The following PI4KA variants were observed in gnomAD, a reference collection of about 807,000 sequenced individuals.
The protein encoded by PI4KA is PI4-kinase alpha.
In PI4KA, 122 loss-of-function variants were observed where a neutral mutation model predicts 271.4. That is an observed-to-expected ratio of 0.45 (90% CI 0.39 to 0.52). The LOEUF (loss-of-function observed/expected upper bound fraction) is 0.52, where lower values mean the gene tolerates loss of function less well. Ranked by LOEUF, PI4KA falls within the 20% of genes least tolerant of loss-of-function variation. The pLI is 0.00. For synonymous variants in PI4KA, 1,041 were observed against 1,078.8 expected (o/e 0.96, Z 0.69); for missense variants, 1,969 against 2,769.1 (o/e 0.71, Z 6.48).
At chr22:20,718,017 T>G (rs548757153) in intron 44 of PI4KA, among the ~76,000 whole-genome samples, 1 of 151,632 alleles carries the variant, frequency 6.6e-6, no homozygotes, top group South Asian at 2.1e-4. Context: ...TGTGCGGGGG[T>G]GTGTGGCTGG....
intron 19 of PI4KA, chr22:20,779,061 G>A: frequency 1.3e-5 from 12 of 924,268 alleles, no homozygotes; most frequent in South Asian, 1.8e-5. Context: ...CTTTAAAGAA[G>A]GGATTTTCAT....
At chr22:20,812,792 G>C (rs1024648831) in intron 8 of PI4KA, among the ~76,000 whole-genome samples, 1 of 152,140 alleles carries the variant, frequency 6.6e-6, no homozygotes, top group African/African-American at 2.4e-5. Context: ...CTGACCTCAA[G>C]TGATCCGCCC....
At chr22:20,773,256 G>A (rs913651548) in intron 19 of PI4KA, among the ~76,000 whole-genome samples, 1 of 151,366 alleles carries the variant, frequency 6.6e-6, no homozygotes, top group South Asian at 2.1e-4. Flanking sequence ...ACATGGTGGT[G>A]TGCGCCTGTA....
At chr22:20,777,749 AATC>A (rs747486488) in intron 19 of PI4KA, among the ~76,000 whole-genome samples, 40 of 152,226 alleles carry the variant, frequency 2.6e-4, no homozygotes, top group Non-Finnish European at 5.1e-4. Flanking sequence ...CAAAACATGG[AATC>A]ATCAAAGCTC....
chr22:20,747,530 C>T, intron 29 of PI4KA, 53 bp downstream of exon 29: 1 of 1,596,240 alleles, frequency 6.3e-7, no homozygotes, highest in Non-Finnish European at 8.6e-7. Context: ...TTCCCCTGCA[C>T]TGTGGCTCCT....
At chr22:20,836,104 T>C (rs1924838071) in intron 2 of PI4KA, among the ~76,000 whole-genome samples, 1 of 135,748 alleles carries the variant, frequency 7.4e-6, no homozygotes. Flanking sequence ...CAAAAAAACA[T>C]GGCAGAAGGC....
chr22:20,750,551 C>A (rs1057158342), intron 27 of PI4KA, among the ~76,000 whole-genome samples: 1 of 152,252 alleles, frequency 6.6e-6, no homozygotes, highest in Admixed American at 6.5e-5. Flanking sequence ...TATGTAATTC[C>A]TGCACAAGGT....
intron 17 of PI4KA, among the ~76,000 whole-genome samples, chr22:20,797,505 G>A (rs1935054457): frequency 6.6e-6 from 1 of 152,182 alleles, no homozygotes; most frequent in Non-Finnish European, 1.5e-5. Context: ...GACAGAGGAA[G>A]GAAGGAAAGG....
intron 32 of PI4KA, chr22:20,734,814 G>A (rs1928517720): frequency 1.8e-6 from 1 of 564,784 alleles, no homozygotes; most frequent in African/African-American, 1.9e-5. Context: ...GGTGTGAGGT[G>A]GCAGCACCCG....
chr22:20,778,437 G>A (rs752394413), intron 19 of PI4KA, among the ~76,000 whole-genome samples: 13 of 152,134 alleles, frequency 8.5e-5, no homozygotes, highest in East Asian at 7.7e-4. Flanking sequence ...CCAGGAGGCC[G>A]AAGTTGCAGT....
Position 20,824,331 on chromosome 22 carries a change from C to T in PI4KA, c.451G>A (p.Asp151Asn). 6.2e-7 allele frequency: 1 copy of T among 1,604,380 alleles called. No individual in the cohort carries two copies. Residue 151 changes from aspartate to asparagine, a missense_variant, in exon 4 of 55, where the codon GAT (aspartate) becomes AAT (asparagine). By Grantham distance (23) the Asp-to-Asn change is conservative (BLOSUM62 1). This residue lies in a region of PI4KA where 540 missense variants were observed against 555.5 expected (regional missense o/e 0.97). Transcript: ENST00000255882. ...DVAYRDPSLR[D>N]EILEVLLQVL... is the part of the protein sequence containing the mutation. ...ATCAACCAACACATGCTTACCTCAT[C>T]CCTAAGTGAAGGATCCCTATAGGCC...
In PI4KA at chr22:20,721,509, A is replaced by C. The variant is rs1601331351; in HGVS notation, c.4996-91T>G. 4.2e-6 allele frequency: 6 copies of C among 1,431,422 alleles called. No homozygotes were observed. The East Asian group carries it at 1.4e-4, about 33-fold the overall frequency. The allele number at this position is 1,431,422 out of a possible 1,614,324, so 88.7% of individuals were successfully genotyped here. On this transcript the variant is annotated intron_variant, in intron 42 of 54. Transcript: ENST00000255882. ...GCTGCTGACTCCCGGCATTTGGTAG[A>C]CCAGGCAAGGGTAAGGCCCGGTGGC...
At chr22:20,770,056 A>AT (rs894663703) in intron 19 of PI4KA, among the ~76,000 whole-genome samples, 9 of 151,962 alleles carry the variant, frequency 5.9e-5, no homozygotes, top group South Asian at 2.1e-4. Flanking sequence ...ATGTATACAT[A>AT]TTTTTTTTAG....
chr22:20,834,407 T>C (rs1319693092), intron 3 of PI4KA, among the ~76,000 whole-genome samples, 155 bp downstream of exon 3: 1 of 152,210 alleles, frequency 6.6e-6, no homozygotes, highest in Admixed American at 6.5e-5. Flanking sequence ...AACACATGGA[T>C]GTAAGCTCAG....
rs776874499 is a variant in PI4KA at position 20,729,423 on chromosome 22, G to A, written c.4572C>T (p.Ser1524=). 1.9e-6 allele frequency: 3 copies of A among 1,613,458 alleles called. No individual in the cohort carries two copies. The highest frequency in any genetic ancestry group is 2.2e-5 in the East Asian group (1 of 44,858). ...TGTACTTAGATCTCCAGTTGGCCAC[G>A]CTGTTCTCTCCGGCCTGGTCTAGTT... The part of the protein sequence containing the change: ...ELELDQAGEN[S]VANWRSKYIS... The change falls in exon 39 of 55, where the codon AGC becomes AGT. Residue 1524 remains serine, a synonymous_variant. Transcript: ENST00000255882.
At chr22:20,759,402 C>CTTTTTTTTTTTCTTT (rs1931713678) in intron 23 of PI4KA, among the ~76,000 whole-genome samples, 1 of 102,902 alleles carries the variant, frequency 9.7e-6, no homozygotes, top group Non-Finnish European at 1.9e-5. Context: ...CTTTTCTTTT[C>CTTTTTTTTTTTCTTT]TTTTTTTTTT....
chr22:20,796,341 C>G, intron 17 of PI4KA, 27 bp from the exon 18 acceptor site: 1 of 1,602,408 alleles, frequency 6.2e-7, no homozygotes, highest in Non-Finnish European at 8.5e-7. Context: ...GAAATAACAG[C>G]CACTGCCAGG....
chr22:20,711,290 C>G, intron 51 of PI4KA, 51 bp downstream of exon 51: 1 of 1,258,618 alleles, frequency 7.9e-7, no homozygotes, highest in Non-Finnish European at 1.1e-6. Flanking sequence ...CCTATCCACC[C>G]CTGGGTGCCA....
chr22:20,802,470 T>C (rs1935386122), intron 13 of PI4KA, among the ~76,000 whole-genome samples: 2 of 152,212 alleles, frequency 1.3e-5, no homozygotes, highest in Non-Finnish European at 2.9e-5. Context: ...GGGTTAGGGA[T>C]GCTTGCGGGA....
Sources: gnomAD v4.1 joint callset for allele counts (sites outside exome capture counted in the v4.1 genomes callset) on GRCh38, gnomAD v4.1.1 for gene constraint, gnomAD v4.1.1 regional missense constraint, MANE v1.5 for transcripts, NCBI Gene and HGNC (gene_info 2026-07-23, HGNC 2026-07-21) for gene names.